SREK1: variants seen among roughly 807,000 people sequenced by gnomAD.
SREK1 encodes the protein splicing regulatory glutamic acid and lysine rich protein 1.
A neutral mutation model predicts 66.5 loss-of-function variants in SREK1; 13 were observed. The ratio of observed to expected loss-of-function variants is 0.20; its 90% CI spans 0.13 to 0.31. The LOEUF (loss-of-function observed/expected upper bound fraction) is 0.31. Among genes scored for constraint, SREK1 ranks in the 10% least tolerant of loss-of-function variants. SREK1 has a pLI of 1.00. For missense variants in SREK1, 607 were observed against 769.6 expected, an observed-to-expected ratio of 0.79 and a Z score of 2.50; for synonymous variants, 265 against 263.5, an observed-to-expected ratio of 1.01 and a Z score of -0.05.
At position 66,152,059 on chromosome 5, in the gene SREK1, A is replaced by T. The variant is rs533553740; in HGVS notation, c.162-1404A>T. ...ACGGGGTTTCACCGTGTTAGCCAGG[A>T]TAGTCTCGATCTCCTGACCTCGTGA... On this transcript the variant is annotated intron_variant, in intron 1 of 11. Coordinates refer to ENST00000334121, the MANE Select transcript of SREK1 (RefSeq NM_001077199.3). Among the ~76,000 whole-genome samples, 15 of 151,840 alleles carry T rather than the reference A, an allele frequency of 9.9e-5. No individual in the cohort carries two copies. The South Asian group carries it at 2.9e-3, about 30-fold the overall frequency.
intron 2 of SREK1, among the ~76,000 whole-genome samples, chr5:66,155,077 A>C (rs1744165334): frequency 6.6e-6 from 1 of 152,212 alleles, no homozygotes; most frequent in Non-Finnish European, 1.5e-5. Context: ...TGCTTGGTTG[A>C]AACCTGCTTT....
intron 9 of SREK1, among the ~76,000 whole-genome samples, chr5:66,171,296 G>A (rs1355101921): frequency 3.3e-5 from 5 of 152,146 alleles, no homozygotes; most frequent in Non-Finnish European, 2.9e-5. Flanking sequence ...TTTGAATGGT[G>A]TGATTAATTT....
intron 7 of SREK1, chr5:66,167,701 A>G (rs1038483832): frequency 4.6e-5 from 7 of 152,232 alleles, no homozygotes; most frequent in African/African-American, 1.7e-4. Flanking sequence ...TTGGAAGCCA[A>G]GTGATCAGTG....
chr5:66,151,169 G>A (rs1405356144), intron 1 of SREK1, among the ~76,000 whole-genome samples: 1 of 152,208 alleles, frequency 6.6e-6, no homozygotes, highest in Admixed American at 6.5e-5. Context: ...CTAAATTCGT[G>A]GGGGTGGGAA....
At chr5:66,172,496 C>T (rs1021865798) in intron 9 of SREK1, among the ~76,000 whole-genome samples, 2 of 152,048 alleles carry the variant, frequency 1.3e-5, no homozygotes, top group African/African-American at 2.4e-5. Flanking sequence ...CCTCGGTTCA[C>T]GTGATTCTTG....
At chr5:66,176,636 T>TG (rs1396307377) in intron 10 of SREK1, among the ~76,000 whole-genome samples, 1 of 152,048 alleles carries the variant, frequency 6.6e-6, no homozygotes, top group Non-Finnish European at 1.5e-5. Context: ...ACAAGGAATG[T>TG]GGTATATCTT....
chr5:66,155,677 A>G (rs1744226665), intron 2 of SREK1, among the ~76,000 whole-genome samples: 1 of 152,214 alleles, frequency 6.6e-6, no homozygotes, highest in Admixed American at 6.5e-5. Flanking sequence ...AAACCATAGA[A>G]AAAAATTTAA....
chr5:66,152,990 C>T lies in SREK1; in HGVS notation c.162-473C>T, dbSNP rs986067698. 1.2e-4 allele frequency among the ~76,000 whole-genome samples: 18 copies of T among 152,220 alleles called. 1 individual carries two copies. The highest frequency in any genetic ancestry group is 7.8e-4 in the Admixed American group (12 of 15,294). On this transcript the variant is annotated intron_variant, in intron 1 of 11. Transcript: ENST00000334121. ...CAGCTCTGGTGTATGCAAAATACCT[C>T]AATTTAAATTCCATACTACCTGACT...
rs75137899 is a variant in SREK1, at chr5:66,171,145, A to G, written c.1484+198A>G. ...TGATACTGGGCAACATTATTTGAAG[A>G]GTTTTAGCTATTCTTTGTAACCACT... On this transcript the variant is annotated intron_variant, in intron 9 of 11. Coordinates refer to ENST00000334121, the MANE Select transcript of SREK1 (RefSeq NM_001077199.3). 3.2e-3 allele frequency among the ~76,000 whole-genome samples: 482 copies of G among 152,256 alleles called. 3 individuals are homozygous for G. Among genetic ancestry groups the G allele is most frequent in the African/African-American group, 0.011 (445 of 41,564 alleles).
intron 6 of SREK1, chr5:66,164,540 C>A: frequency 7.1e-7 from 1 of 1,418,182 alleles, no homozygotes; most frequent in Non-Finnish European, 9.4e-7. Flanking sequence ...TGTAATCGTA[C>A]GTTACGGCAG....
At chr5:66,163,040 G>A (rs1744893362) in intron 5 of SREK1, 1 of 152,738 alleles carries the variant, frequency 6.5e-6, no homozygotes, top group African/African-American at 2.4e-5. Flanking sequence ...TGACTTTTGA[G>A]GTTTGCTTAC....
At chr5:66,149,086 G>GC (rs1437789206) in intron 1 of SREK1, among the ~76,000 whole-genome samples, 7 of 152,228 alleles carry the variant, frequency 4.6e-5, no homozygotes, top group Non-Finnish European at 8.8e-5. Flanking sequence ...GGGTGCAGTG[G>GC]CCCACGCCTG....
At position 66,164,826 on chromosome 5, in the gene SREK1, C is replaced by T. The variant is rs779558134; in HGVS notation, c.930C>T (p.Ser310=). The change falls in exon 7 of 12, where the codon TCC becomes TCT. Residue 310 remains serine, a synonymous_variant. Coordinates refer to ENST00000334121, the MANE Select transcript of SREK1 (RefSeq NM_001077199.3). Reference sequence around the variant, plus strand: ...AAAGAAAAGGCGGTCGATCTCGTTCCCATACTCGCTCAAAATCCAGGTCTA... The same window carrying T: ...AAAGAAAAGGCGGTCGATCTCGTTCTCATACTCGCTCAAAATCCAGGTCTA... ...SNERKGGRSR[S]HTRSKSRSSS... 6.8e-6 allele frequency: 11 copies of T among 1,613,934 alleles called. No homozygotes were observed. The highest frequency in any genetic ancestry group is 9.3e-6 in the Non-Finnish European group (11 of 1,179,938).
chr5:66,158,975 CA>C (rs1744508489), intron 2 of SREK1: 7 of 1,348,564 alleles, frequency 5.2e-6, no homozygotes, highest in Middle Eastern at 2.0e-4. Context: ...CTACATTATT[CA>C]ATTTTTAAAA....
At chr5:66,173,064 C>T (rs930079127) in intron 9 of SREK1, among the ~76,000 whole-genome samples, 1 of 151,694 alleles carries the variant, frequency 6.6e-6, no homozygotes, top group Non-Finnish European at 1.5e-5. Context: ...AACTCCTGAC[C>T]TCAGGTGATC....
chr5:66,183,123 G>A lies in SREK1; in HGVS notation c.*4255G>A, dbSNP rs988234988. ...TAATTTTAAAATTGCCAACTTTTGG[G>A]AGATTTCACATATTTTACCTCTATA... On this transcript the variant is annotated 3_prime_UTR_variant, in exon 12 of 12. Transcript: ENST00000334121. 1.3e-5 allele frequency: 2 copies of A among 152,078 alleles called. No homozygotes were observed. Among genetic ancestry groups the A allele is most frequent in the African/African-American group, 4.8e-5 (2 of 41,410 alleles). The allele number at this position is 152,078 out of a possible 1,614,324, so 9.4% of individuals were successfully genotyped here.
intron 1 of SREK1, among the ~76,000 whole-genome samples, chr5:66,152,421 ATGGTT>A (rs1489070672): frequency 6.6e-6 from 1 of 152,238 alleles, no homozygotes; most frequent in Non-Finnish European, 1.5e-5. Context: ...GTATGTCAGA[ATGGTT>A]TAAAGATTCT....
Position 66,170,239 on chromosome 5 carries a change from T to C in SREK1, c.1121+69T>C, listed in dbSNP as rs1745518149. 4 of 1,494,492 alleles carry C rather than the reference T, an allele frequency of 2.7e-6. No homozygotes were observed. In the African/African-American group the frequency reaches 4.3e-5, roughly 16 times the overall value. The allele number at this position is 1,494,492 out of a possible 1,614,324, so 92.6% of individuals were successfully genotyped here. A position where few individuals can be genotyped will look rare whatever the true frequency, so the allele number is the denominator to read the frequency against. The stretch of plus-strand genomic sequence containing the variant: ...TTCTGTTAGTGCTAAGGGATAATAT[T>C]TTAATTGGCTTCATTTGTTAAAAAT... On this transcript the variant is annotated intron_variant, in intron 8 of 11. Transcript: ENST00000334121.
At chr5:66,166,472 CT>C (rs36013352) in intron 7 of SREK1, 10,711 of 151,682 alleles carry the variant, frequency 0.071, 442 homozygotes, top group South Asian at 0.16. Flanking sequence ...ATATATATTC[CT>C]TTTTTTTCCC....
Sources: gnomAD v4.1 joint callset for allele counts (sites outside exome capture counted in the v4.1 genomes callset) on GRCh38, gnomAD v4.1.1 for gene constraint, MANE v1.5 for transcripts, NCBI Gene and HGNC (gene_info 2026-07-23, HGNC 2026-07-21) for gene names.